The following MAEA variants were observed in gnomAD, a reference collection of about 807,000 sequenced individuals.
MAEA encodes macrophage erythroblast attacher, E3 ubiquitin ligase.
In MAEA, 22 loss-of-function variants were observed where a neutral mutation model predicts 46.2. The ratio of observed to expected loss-of-function variants is 0.48; its 90% CI spans 0.34 to 0.68. The LOEUF (loss-of-function observed/expected upper bound fraction) is 0.68, where lower values mean the gene tolerates loss of function less well. Ranked by LOEUF, MAEA falls within the 30% of genes least tolerant of loss-of-function variation. The pLI, the probability that MAEA is intolerant of heterozygous loss-of-function variation, is 0.01. For synonymous variants in MAEA, 246 were observed against 222.6 expected (o/e 1.11, Z -0.94); for missense variants, 393 against 558.1 (o/e 0.70, Z 2.98).
intron 1 of MAEA, among the ~76,000 whole-genome samples, chr4:1,305,730 C>T (rs1438101293): frequency 1.3e-5 from 2 of 151,174 alleles, no homozygotes; most frequent in East Asian, 1.9e-4. Context: ...TGTGTGCGCA[C>T]GCGTGTGTGG....
At chr4:1,316,939 C>G (rs1330707956) in intron 3 of MAEA, among the ~76,000 whole-genome samples, 2 of 148,736 alleles carry the variant, frequency 1.3e-5, no homozygotes, top group Admixed American at 6.6e-5. Context: ...CCCACCCGGC[C>G]CCACACTCCA....
intron 7 of MAEA, chr4:1,337,316 G>C (rs902666653): frequency 3.6e-6 from 1 of 278,956 alleles, no homozygotes; most frequent in Admixed American, 6.9e-5. Flanking sequence ...TAGTTTTCCC[G>C]TGTGATTACC....
At chr4:1,293,404 A>C (rs1734308676) in intron 1 of MAEA, among the ~76,000 whole-genome samples, 1 of 152,192 alleles carries the variant, frequency 6.6e-6, no homozygotes, top group Non-Finnish European at 1.5e-5. Context: ...TAATAAATAA[A>C]TAAAAGTAAT....
chr4:1,330,953 A>G (rs1711694181), intron 5 of MAEA: 2 of 152,160 alleles, frequency 1.3e-5, no homozygotes, highest in East Asian at 1.9e-4. Flanking sequence ...TGATGGTGAG[A>G]TAAGACGCGT....
intron 3 of MAEA, among the ~76,000 whole-genome samples, chr4:1,317,152 A>G (rs13117767): frequency 1.3e-3 from 25 of 19,440 alleles, no homozygotes; most frequent in East Asian, 4.5e-3. Flanking sequence ...GGCCCACCCC[A>G]GCCCCCACAC....
chr4:1,315,499 G>C lies in MAEA; in HGVS notation c.355G>C (p.Val119Leu). The change falls in exon 3 of 9, where the codon GTG (valine) becomes CTG (leucine). Residue 119 changes from valine to leucine, a missense_variant. Coordinates refer to ENST00000303400, the MANE Select transcript of MAEA (RefSeq NM_001017405.3). ...CAGCGACCAGCCCGCGGCGGCCAGC[G>C]TGTGGAAGAGGAAGCGCATGGATCG... is the stretch of plus-strand genomic sequence containing the variant. The part of the protein sequence containing the change: ...HSSDQPAAAS[V>L]WKRKRMDRMM... 3 of 1,613,924 alleles carry C rather than the reference G, an allele frequency of 1.9e-6. No homozygotes were observed. Among genetic ancestry groups the C allele is most frequent in the Non-Finnish European group, 2.5e-6 (3 of 1,179,986 alleles).
rs1465239243 is a variant in MAEA, at chr4:1,319,941, C to A, written c.457-2440C>A. Among the ~76,000 whole-genome samples the A allele has an allele frequency of 6.3e-5, 9 of 142,746 alleles. No homozygotes were observed. In the Admixed American group the frequency reaches 6.3e-4, roughly 10 times the overall value. 93.6% of individuals were successfully genotyped at this position (142,746 alleles called of 152,430 possible). On this transcript the variant is annotated intron_variant, in intron 3 of 8. Transcript: ENST00000303400. ...TGAAGGGGCTTCAGAAAAGAATCAT[C>A]AAAGCAAACATTCAAGAAAACGCTA...
At chr4:1,315,335 C>T in intron 2 of MAEA, 62 bp from the exon 3 acceptor site, 1 of 1,525,828 alleles carries the variant, frequency 6.6e-7, no homozygotes, top group South Asian at 1.1e-5. Context: ...AGCCTGGCCT[C>T]CCTTGGTGCA....
chr4:1,295,834 T>C (rs1286275509), intron 1 of MAEA, among the ~76,000 whole-genome samples: 3 of 43,546 alleles, frequency 6.9e-5, no homozygotes, highest in African/African-American at 1.2e-4. Context: ...GCCTGTGCCC[T>C]CCTCACCCAT....
intron 5 of MAEA, chr4:1,332,123 G>A (rs1711910653): frequency 6.5e-6 from 1 of 152,674 alleles, no homozygotes; most frequent in African/African-American, 2.4e-5. Context: ...GGGGTCCGTG[G>A]GGGCGAGCAT....
At chr4:1,315,711 C>T (rs1328690396) in intron 3 of MAEA, 111 bp downstream of exon 3, 4 of 909,098 alleles carry the variant, frequency 4.4e-6, no homozygotes, top group Non-Finnish European at 6.6e-6. Flanking sequence ...CTTGTGTTCC[C>T]CTCCCCCCAC....
chr4:1,318,952 C>A (rs146998728), intron 3 of MAEA, among the ~76,000 whole-genome samples: 7 of 114,752 alleles, frequency 6.1e-5, no homozygotes, highest in South Asian at 2.3e-4. Context: ...AAGCTGCTGC[C>A]CAGGGAAGGC....
At chr4:1,335,142 G>A (rs868632146) in intron 6 of MAEA, 2 of 985,316 alleles carry the variant, frequency 2.0e-6, no homozygotes, top group Admixed American at 6.1e-5. Context: ...AGGTTATTTA[G>A]GGACAGACAT....
intron 3 of MAEA, among the ~76,000 whole-genome samples, chr4:1,316,776 A>G (rs1577184158): frequency 6.6e-6 from 1 of 152,006 alleles, no homozygotes; most frequent in African/African-American, 2.4e-5. Context: ...GCGGCCTCAC[A>G]TTGTGCAGTC....
rs1334062759 is a variant in MAEA at position 1,311,976 on chromosome 4, C to T, written c.70-3C>T. 1 of 1,604,778 alleles carries T rather than the reference C, an allele frequency of 6.2e-7. No individual in the cohort carries two copies. Among genetic ancestry groups the T allele is most frequent in the Non-Finnish European group, 8.5e-7 (1 of 1,172,814 alleles). On this transcript the variant is annotated splice_region_variant and splice_polypyrimidine_tract_variant and intron_variant, in intron 1 of 8. Coordinates refer to ENST00000303400, the MANE Select transcript of MAEA (RefSeq NM_001017405.3). The surrounding 1 kb of genome is among the most constrained non-coding windows in gnomAD (Gnocchi z 4.4). Reference sequence around the variant, plus strand: ...ATCCCTCACCATCCTCCTTCCTCTCCAGGTGCCCTACGAGACGCTGAACAA... The same window carrying T: ...ATCCCTCACCATCCTCCTTCCTCTCTAGGTGCCCTACGAGACGCTGAACAA...
intron 5 of MAEA, chr4:1,331,763 G>T (rs1214519593): frequency 1.6e-5 from 1 of 63,892 alleles, no homozygotes. Context: ...GACCCTGTGT[G>T]TGGGGGGGGG....
At chr4:1,308,799 AT>A (rs1736089972) in intron 1 of MAEA, among the ~76,000 whole-genome samples, 1 of 152,204 alleles carries the variant, frequency 6.6e-6, no homozygotes, top group South Asian at 2.1e-4. Flanking sequence ...TTAAAAGTGC[AT>A]TCTGGATAGT....
Position 1,327,607 on chromosome 4 carries a change from C to G in MAEA, c.580-20C>G. On this transcript the variant is annotated intron_variant, in intron 4 of 8. Transcript: ENST00000303400. ...CTGTGGGATGTGCTGTCTAAGCCCT[C>G]GTCTTGTCTTTGCCCTCAGAGCTGC... is the stretch of plus-strand genomic sequence containing the variant. The G allele has an allele frequency of 6.3e-7, 1 of 1,599,654 alleles. No homozygotes were observed. The highest frequency in any genetic ancestry group is 2.2e-5 in the East Asian group (1 of 44,810).
At chr4:1,319,787 G>T (rs59544360) in intron 3 of MAEA, among the ~76,000 whole-genome samples, 34,903 of 151,570 alleles carry the variant, frequency 0.23, 4,971 homozygotes, top group East Asian at 0.45. Flanking sequence ...GTAAGACTTT[G>T]TGGGAGACCC....
Sources: gnomAD v4.1 joint callset for allele counts (sites outside exome capture counted in the v4.1 genomes callset) on GRCh38, gnomAD v4.1.1 for gene constraint, Gnocchi (gnomAD v3.1) non-coding constraint, MANE v1.5 for transcripts, NCBI Gene and HGNC (gene_info 2026-07-23, HGNC 2026-07-21) for gene names.